SOX5: variants seen among roughly 807,000 people sequenced by gnomAD.
SOX5 encodes SRY-box transcription factor 5.
In SOX5, 9 loss-of-function variants were observed where a neutral mutation model predicts 92.0. The ratio of observed to expected loss-of-function variants is 0.10; its 90% CI spans 0.06 to 0.17. SOX5 has a LOEUF of 0.17. SOX5 is among the 10% of genes least tolerant of loss of function. The pLI is 1.00. For missense variants in SOX5, 642 were observed against 944.5 expected (o/e 0.68, Z 4.20); for synonymous variants, 344 against 336.3 (o/e 1.02, Z -0.25).
intron 1 of SOX5, among the ~76,000 whole-genome samples, chr12:23,903,893 C>T (rs1250602726): frequency 6.6e-6 from 1 of 152,138 alleles, no homozygotes; most frequent in East Asian, 1.9e-4. Context: ...TCAAAACATA[C>T]ATTGAGCTTG....
chr12:23,857,796 GATCT>G, intron 2 of SOX5, among the ~76,000 whole-genome samples: 1 of 150,654 alleles, frequency 6.6e-6, no homozygotes, highest in East Asian at 2.0e-4. Context: ...GCAGTGGCAC[GATCT>G]TGGCTCACTG....
intron 4 of SOX5, among the ~76,000 whole-genome samples, chr12:24,165,466 G>T (rs912180115): frequency 1.3e-5 from 2 of 152,046 alleles, no homozygotes; most frequent in African/African-American, 2.4e-5. Flanking sequence ...CAGTCCAATG[G>T]ATTCAAATAT....
chr12:23,732,678 T>G (rs1035077040), intron 6 of SOX5, among the ~76,000 whole-genome samples: 1 of 152,158 alleles, frequency 6.6e-6, no homozygotes, highest in Non-Finnish European at 1.5e-5. Flanking sequence ...TTTCCCACTC[T>G]GAAATAGTTA....
At chr12:23,614,810 CT>C (rs897487040) in intron 8 of SOX5, among the ~76,000 whole-genome samples, 3 of 151,842 alleles carry the variant, frequency 2.0e-5, no homozygotes, top group African/African-American at 4.8e-5. Flanking sequence ...TATTTTCTTT[CT>C]TTTTTTTGGA....
chr12:23,572,733 T>C (rs574559252), intron 10 of SOX5, among the ~76,000 whole-genome samples: 2 of 152,302 alleles, frequency 1.3e-5, no homozygotes, highest in South Asian at 4.1e-4. Context: ...AATAAAATAT[T>C]TTTTCTTTTA....
intron 4 of SOX5, among the ~76,000 whole-genome samples, chr12:24,034,651 G>A (rs1221487609): frequency 2.7e-5 from 4 of 150,316 alleles, no homozygotes; most frequent in African/African-American, 4.9e-5. Context: ...TTGATTGAAT[G>A]CAACAGGCAG....
At chr12:23,825,665 A>G (rs1234240578) in intron 3 of SOX5, among the ~76,000 whole-genome samples, 1 of 152,240 alleles carries the variant, frequency 6.6e-6, no homozygotes, top group Non-Finnish European at 1.5e-5. Flanking sequence ...AGAAACAGCT[A>G]TAGGACAGAG....
chr12:23,954,579 T>C (rs866914332), upstream of SOX5, among the ~76,000 whole-genome samples: 2 of 152,048 alleles, frequency 1.3e-5, no homozygotes, highest in African/African-American at 2.4e-5. Flanking sequence ...CTTAGACTAG[T>C]GTCTTGTAAT....
chr12:23,717,111 A>G (rs1288400270), intron 6 of SOX5, among the ~76,000 whole-genome samples: 1 of 152,190 alleles, frequency 6.6e-6, no homozygotes, highest in African/African-American at 2.4e-5. Flanking sequence ...AAGTTATATC[A>G]TTGACTTTCT....
intron 4 of SOX5, among the ~76,000 whole-genome samples, chr12:24,154,465 T>C (rs1951965607): frequency 6.6e-6 from 1 of 152,124 alleles, no homozygotes; most frequent in African/African-American, 2.4e-5. Context: ...CATTGCTATA[T>C]GGAAAGGTTC....
intron 2 of SOX5, among the ~76,000 whole-genome samples, chr12:24,300,133 A>C (rs1206501036): frequency 6.6e-6 from 1 of 152,252 alleles, no homozygotes; most frequent in Admixed American, 6.5e-5. Flanking sequence ...TGACTTATTC[A>C]AAAGCCACAA....
intron 1 of SOX5, among the ~76,000 whole-genome samples, chr12:24,474,870 G>T (rs901349649): frequency 2.0e-5 from 3 of 149,618 alleles, no homozygotes; most frequent in African/African-American, 7.4e-5. Flanking sequence ...GTTTTTTTTT[G>T]AGATGAAGTC....
chr12:24,034,400 T>C (rs1160073744), intron 4 of SOX5, among the ~76,000 whole-genome samples: 1 of 151,558 alleles, frequency 6.6e-6, no homozygotes, highest in African/African-American at 2.4e-5. Flanking sequence ...GTAGTGCTAA[T>C]GAAGACTTTC....
chr12:24,533,486 G>A (rs555596650), intron 1 of SOX5, among the ~76,000 whole-genome samples: 2 of 152,078 alleles, frequency 1.3e-5, no homozygotes, highest in African/African-American at 2.4e-5. Flanking sequence ...ATGCATTTAG[G>A]GAAACTAATG....
At chr12:23,998,888 A>G (rs1951309905) in intron 4 of SOX5, among the ~76,000 whole-genome samples, 1 of 152,036 alleles carries the variant, frequency 6.6e-6, no homozygotes. Context: ...TTAATGAACA[A>G]CATTAAATAT....
intron 3 of SOX5, among the ~76,000 whole-genome samples, chr12:24,262,793 T>A (rs1388967400): frequency 2.0e-5 from 3 of 152,226 alleles, no homozygotes; most frequent in African/African-American, 7.2e-5. Flanking sequence ...GCTTTCTGCC[T>A]CCTTTTCCAT....
chr12:24,364,338 T>C (rs530793467), intron 2 of SOX5, among the ~76,000 whole-genome samples: 29 of 151,966 alleles, frequency 1.9e-4, no homozygotes, highest in Admixed American at 5.2e-4. Context: ...CACAGCCAAA[T>C]TGGACATCAC....
intron 1 of SOX5, among the ~76,000 whole-genome samples, chr12:23,934,569 T>C (rs1474527398): frequency 6.6e-6 from 1 of 150,840 alleles, no homozygotes; most frequent in African/African-American, 2.4e-5. Flanking sequence ...GCCATAGTTC[T>C]GATAAATCCT....
At chr12:23,653,810 T>C (rs1022291885) in intron 7 of SOX5, among the ~76,000 whole-genome samples, 2 of 151,974 alleles carry the variant, frequency 1.3e-5, no homozygotes, top group East Asian at 1.9e-4. Flanking sequence ...TGGGGGAAAA[T>C]AAACATTCAG....
Sources: allele counts gnomAD v4.1 joint callset (sites outside exome capture counted in the v4.1 genomes callset), GRCh38; gene constraint gnomAD v4.1.1; transcripts MANE v1.5; gene names NCBI Gene and HGNC (gene_info 2026-07-23, HGNC 2026-07-21).